Variants in NHERF2 observed in about 807,000 individuals in gnomAD.
NHERF2 encodes Na(+)/H(+) exchange regulatory cofactor NHE-RF2.
the NHERF2 span, among the ~76,000 whole-genome samples, chr16:2,028,814 G>A: frequency 3.9e-5 from 6 of 152,110 alleles, no homozygotes; most frequent in Admixed American, 1.3e-4. Flanking sequence ...CTTTCTCTCC[G>A]CGGGTGTGCG....
At chr16:2,034,721 C>T in the NHERF2 span, among the ~76,000 whole-genome samples, 4 of 84,314 alleles carry the variant, frequency 4.7e-5, no homozygotes, top group African/African-American at 1.3e-4. Context: ...CCTCCCCTCC[C>T]GAACTGGGCT....
the NHERF2 span, chr16:2,036,864 C>T: frequency 1.2e-6 from 2 of 1,610,772 alleles, no homozygotes; most frequent in Admixed American, 1.7e-5. Flanking sequence ...GTCACACCCA[C>T]CGAGGAGCAC....
At chr16:2,029,596 C>A in the NHERF2 span, 1 of 1,577,056 alleles carries the variant, frequency 6.3e-7, no homozygotes, top group Non-Finnish European at 8.6e-7. Context: ...TGCAAAGGAT[C>A]AAGGCTGTGG....
At chr16:2,037,860 A>G in the NHERF2 span, 7 of 1,600,954 alleles carry the variant, frequency 4.4e-6, no homozygotes, top group Non-Finnish European at 6.0e-6. Context: ...CCCTTCCAGG[A>G]GAGCGGCCTC....
the NHERF2 span, chr16:2,027,035 C>G: frequency 1.2e-5 from 16 of 1,315,802 alleles, no homozygotes; most frequent in Non-Finnish European, 1.6e-5. Flanking sequence ...TGCGGCCGCG[C>G]CTGTGCCGCT....
the NHERF2 span, chr16:2,037,917 T>C: frequency 1.9e-6 from 3 of 1,612,678 alleles, no homozygotes; most frequent in East Asian, 2.2e-5. Flanking sequence ...GCTCGAGCCA[T>C]GCGAGTCAAC....
the NHERF2 span, among the ~76,000 whole-genome samples, chr16:2,027,557 G>A: frequency 6.6e-6 from 1 of 152,276 alleles, no homozygotes; most frequent in African/African-American, 2.4e-5. Context: ...TTGCCTGGGT[G>A]TGTGTGTACA....
At chr16:2,029,556 C>A in the NHERF2 span, 1 of 1,551,354 alleles carries the variant, frequency 6.4e-7, no homozygotes, top group Non-Finnish European at 8.7e-7. Context: ...GGCCACTGAC[C>A]CGCTCCTATC....
At chr16:2,030,435 C>T in the NHERF2 span, among the ~76,000 whole-genome samples, 1 of 152,154 alleles carries the variant, frequency 6.6e-6, no homozygotes, top group Non-Finnish European at 1.5e-5. Flanking sequence ...TTCCTCCTTC[C>T]CCTGCCCTTG....
chr16:2,029,865 T>C, the NHERF2 span: 1 of 1,259,036 alleles, frequency 7.9e-7, no homozygotes, highest in Non-Finnish European at 1.1e-6. Flanking sequence ...TTGCCTTTGG[T>C]CACCTCCAGA....
At chr16:2,029,807 A>G in the NHERF2 span, 1 of 1,526,762 alleles carries the variant, frequency 6.5e-7, no homozygotes. Flanking sequence ...GCCCACAGGG[A>G]CCACCCTAGC....
At chr16:2,034,827 G>A in the NHERF2 span, among the ~76,000 whole-genome samples, 8 of 152,112 alleles carry the variant, frequency 5.3e-5, no homozygotes, top group East Asian at 1.9e-4. Context: ...CCTTCCCTGC[G>A]TCCCAGGCCA....
chr16:2,038,433 C>G, the NHERF2 span: 1 of 330,860 alleles, frequency 3.0e-6, no homozygotes, highest in South Asian at 2.2e-5. Context: ...TCCCCTCCCC[C>G]TTGGGACGCG....
chr16:2,033,237 C>A, the NHERF2 span: 1 of 1,511,908 alleles, frequency 6.6e-7, no homozygotes, highest in South Asian at 1.2e-5. Context: ...CACCCATCCC[C>A]GGGGAGCCAG....
the NHERF2 span, chr16:2,032,899 C>T: frequency 1.6e-5 from 17 of 1,042,504 alleles, no homozygotes; most frequent in Non-Finnish European, 2.0e-5. This position sits in a 1 kb window ranked among gnomAD's most constrained non-coding sequence, Gnocchi z 4.0. Context: ...ATCTGGAGGG[C>T]CTTGGGGGCT....
the NHERF2 span, among the ~76,000 whole-genome samples, chr16:2,030,202 G>T: frequency 6.6e-6 from 1 of 152,222 alleles, no homozygotes; most frequent in South Asian, 2.1e-4. Flanking sequence ...GCGCCTGCAT[G>T]CTGGGAAGGC....
At chr16:2,038,394 C>T in the NHERF2 span, 2 of 425,460 alleles carry the variant, frequency 4.7e-6, no homozygotes, top group East Asian at 8.0e-5. Context: ...CCACTTAATA[C>T]CAGAGACCCC....
At chr16:2,035,677 A>G in the NHERF2 span, 11 of 985,632 alleles carry the variant, frequency 1.1e-5, no homozygotes, top group South Asian at 1.9e-4. Flanking sequence ...CCAGAGCCCT[A>G]CCGCAGGATG....
chr16:2,036,481 G>A, the NHERF2 span: 292 of 1,596,608 alleles, frequency 1.8e-4, 1 homozygote, highest in East Asian at 4.2e-3. Flanking sequence ...TCTGGCCTCC[G>A]CGCCCAGGAC....
Sources: allele counts gnomAD v4.1 joint callset (sites outside exome capture counted in the v4.1 genomes callset), GRCh38; gene constraint gnomAD v4.1.1; non-coding constraint Gnocchi (gnomAD v3.1); transcripts MANE v1.5; gene names NCBI Gene and HGNC (gene_info 2026-07-23, HGNC 2026-07-21).